HTR2A: variants seen among roughly 807,000 people sequenced by gnomAD.
HTR2A encodes the protein 5-HT2 receptor.
Under a neutral mutation model 31.0 loss-of-function variants are expected in HTR2A, and 14 were observed. The ratio of observed to expected loss-of-function variants is 0.45; its 90% CI spans 0.30 to 0.71. HTR2A has a LOEUF of 0.71. Ranked by LOEUF, HTR2A falls within the 30% of genes least tolerant of loss-of-function variation. The pLI is 0.09. For missense variants in HTR2A, 442 were observed against 573.3 expected, an observed-to-expected ratio of 0.77 and a Z score of 2.34; for synonymous variants, 209 against 225.2, an observed-to-expected ratio of 0.93 and a Z score of 0.64.
chr13:46,831,723 T>C lies in HTR2A; in HGVS notation c.*3114A>G, dbSNP rs1361060944. On this transcript the variant is annotated 3_prime_UTR_variant, in exon 4 of 4. Transcript: ENST00000542664. ...ATGCACAAATGGGAGGAGCACCCTTTGCTGAAAGCAGTACAGTGACTTAGT... is the reference window on the plus strand; with the variant it reads ...ATGCACAAATGGGAGGAGCACCCTTCGCTGAAAGCAGTACAGTGACTTAGT... The C allele has an allele frequency of 6.6e-6, 1 of 152,266 alleles. No individual in the cohort carries two copies. The highest frequency in any genetic ancestry group is 6.5e-5 in the Admixed American group (1 of 15,288). 9.4% of individuals were successfully genotyped at this position (152,266 alleles called of 1,614,324 possible).
chr13:46,863,790 G>C (rs1308566570), intron 3 of HTR2A, among the ~76,000 whole-genome samples: 2 of 152,022 alleles, frequency 1.3e-5, no homozygotes, highest in Non-Finnish European at 1.5e-5. Flanking sequence ...AGGTTGTGGA[G>C]AAAAAGGAAC....
intron 2 of HTR2A, among the ~76,000 whole-genome samples, chr13:46,894,515 C>T (rs1380448206): frequency 6.6e-6 from 1 of 152,206 alleles, no homozygotes; most frequent in Non-Finnish European, 1.5e-5. Context: ...CTCGCCCTTG[C>T]GTACCGCCTT....
chr13:46,861,060 A>G, intron 3 of HTR2A, among the ~76,000 whole-genome samples: 1 of 152,228 alleles, frequency 6.6e-6, no homozygotes, highest in East Asian at 1.9e-4. Context: ...GTAGGCAGGA[A>G]TGGAAAGCTG....
At chr13:46,875,208 C>T (rs1950898968) in intron 3 of HTR2A, among the ~76,000 whole-genome samples, 1 of 152,150 alleles carries the variant, frequency 6.6e-6, no homozygotes, top group East Asian at 1.9e-4. Flanking sequence ...CAAATGTAGT[C>T]AGTCATGTAA....
chr13:46,848,499 A>C (rs73473878), intron 3 of HTR2A, among the ~76,000 whole-genome samples: 1,874 of 152,190 alleles, frequency 0.012, 47 homozygotes, highest in African/African-American at 0.043. Context: ...GTGGGGGAAA[A>C]CCCCACATTT....
intron 3 of HTR2A, among the ~76,000 whole-genome samples, chr13:46,869,841 A>C (rs937681748): frequency 2.6e-5 from 4 of 152,180 alleles, no homozygotes; most frequent in Admixed American, 2.6e-4. Flanking sequence ...ACTTGTATAA[A>C]ATATCTGGAA....
chr13:46,875,882 A>G (rs890740446), intron 3 of HTR2A, among the ~76,000 whole-genome samples: 2 of 152,244 alleles, frequency 1.3e-5, no homozygotes, highest in African/African-American at 4.8e-5. Context: ...CTGTAATAGT[A>G]ATATATGTTA....
intron 3 of HTR2A, among the ~76,000 whole-genome samples, chr13:46,854,969 C>T (rs569932080): frequency 9.2e-5 from 14 of 152,208 alleles, no homozygotes; most frequent in African/African-American, 2.6e-4. Context: ...AAAATTTGGA[C>T]GTGGACATGT....
At chr13:46,850,568 T>C (rs1020881081) in intron 3 of HTR2A, among the ~76,000 whole-genome samples, 3 of 152,200 alleles carry the variant, frequency 2.0e-5, no homozygotes, top group African/African-American at 4.8e-5. Flanking sequence ...TCAAACTTCC[T>C]CACTTCAGAA....
intron 3 of HTR2A, among the ~76,000 whole-genome samples, chr13:46,867,219 G>A (rs925414481): frequency 3.9e-5 from 6 of 152,176 alleles, no homozygotes; most frequent in African/African-American, 1.4e-4. Flanking sequence ...ACATAAGACA[G>A]AGAAACCTGA....
Position 46,833,229 on chromosome 13 carries a change from T to A in HTR2A, c.*1608A>T, listed in dbSNP as rs1876310461. ...GGTAACCAATCAGGAAAACTTATTT[T>A]TAAAACTACTCTCACAGTTGAAACA... On this transcript the variant is annotated 3_prime_UTR_variant, in exon 4 of 4. Coordinates refer to ENST00000542664, the MANE Select transcript of HTR2A (RefSeq NM_000621.5). The A allele has an allele frequency of 6.6e-6, 1 of 152,210 alleles. No individual in the cohort carries two copies. The highest frequency in any genetic ancestry group is 2.4e-5 in the African/African-American group (1 of 41,458). 9.4% of individuals were successfully genotyped at this position (152,210 alleles called of 1,614,324 possible).
At position 46,833,951 on chromosome 13, in the gene HTR2A, T is replaced by G. The variant is rs1280349296; in HGVS notation, c.*886A>C. On this transcript the variant is annotated 3_prime_UTR_variant, in exon 4 of 4. Transcript: ENST00000542664. ...CCTGACACAGTTACATCAATATACA[T>G]TTACTGCTCAAAAGAGTGCATGCAT... 1 of 152,210 alleles carries G rather than the reference T, an allele frequency of 6.6e-6. No homozygotes were observed. The highest frequency in any genetic ancestry group is 1.5e-5 in the Non-Finnish European group (1 of 68,046). 9.4% of individuals were successfully genotyped at this position (152,210 alleles called of 1,614,324 possible).
chr13:46,888,942 A>C (rs1184319394), intron 3 of HTR2A, among the ~76,000 whole-genome samples: 1 of 152,202 alleles, frequency 6.6e-6, no homozygotes, highest in Non-Finnish European at 1.5e-5. Context: ...GTCCAAAAGA[A>C]GGTAAGAATG....
rs1416933556 is a variant in HTR2A at position 46,834,808 on chromosome 13, C to T, written c.*29G>A. 1.3e-6 allele frequency: 2 copies of T among 1,558,356 alleles called. No individual in the cohort carries two copies. Among genetic ancestry groups the T allele is most frequent in the African/African-American group, 2.8e-5 (2 of 72,658 alleles). On this transcript the variant is annotated 3_prime_UTR_variant, in exon 4 of 4. Coordinates refer to ENST00000542664, the MANE Select transcript of HTR2A (RefSeq NM_000621.5). Reference sequence around the variant, plus strand: ...ATAGGTGAAAACTTGCTCAGTGTGCCTTCCACAGTTGCCACGGCAACTAGC... The same window carrying T: ...ATAGGTGAAAACTTGCTCAGTGTGCTTTCCACAGTTGCCACGGCAACTAGC...
intron 3 of HTR2A, among the ~76,000 whole-genome samples, chr13:46,850,736 T>G (rs1950678233): frequency 6.6e-6 from 1 of 152,190 alleles, no homozygotes; most frequent in Non-Finnish European, 1.5e-5. Context: ...CGTTTCTCAT[T>G]TAGAGCCATT....
intron 3 of HTR2A, among the ~76,000 whole-genome samples, chr13:46,848,562 C>T (rs1398112528): frequency 6.6e-6 from 1 of 152,236 alleles, no homozygotes; most frequent in East Asian, 1.9e-4. Flanking sequence ...GATGTCAGCA[C>T]ATTTCATCCT....
chr13:46,855,827 G>A (rs976615011), intron 3 of HTR2A, among the ~76,000 whole-genome samples: 6 of 152,344 alleles, frequency 3.9e-5, no homozygotes, highest in Middle Eastern at 6.8e-3. Context: ...TATGTTTAAT[G>A]TGGTGTATTG....
chr13:46,838,979 C>T (rs9567734), intron 3 of HTR2A, among the ~76,000 whole-genome samples: 1 of 81,076 alleles, frequency 1.2e-5, no homozygotes, highest in East Asian at 8.9e-4. Flanking sequence ...CACACACATA[C>T]ACACACACAC....
At chr13:46,842,474 A>G (rs547583190) in intron 3 of HTR2A, among the ~76,000 whole-genome samples, 7 of 152,218 alleles carry the variant, frequency 4.6e-5, no homozygotes, top group African/African-American at 1.7e-4. Context: ...GGTGTCTGGA[A>G]AGCTAGATTG....
Sources: gnomAD v4.1 joint callset for allele counts (sites outside exome capture counted in the v4.1 genomes callset) on GRCh38, gnomAD v4.1.1 for gene constraint, MANE v1.5 for transcripts, NCBI Gene and HGNC (gene_info 2026-07-23, HGNC 2026-07-21) for gene names.